Variants in MGAT4C observed in about 807,000 individuals in gnomAD.
MGAT4C encodes MGAT4 family member C, also known as alpha-1,3-mannosyl-glycoprotein 4-beta-N-acetylglucosaminyltransferase C.
Under a neutral mutation model 40.1 loss-of-function variants are expected in MGAT4C, and 19 were observed. That is an observed-to-expected ratio of 0.47 (90% CI 0.33 to 0.70). MGAT4C has a LOEUF of 0.70. MGAT4C is among the 30% of genes least tolerant of loss of function. MGAT4C has a pLI of 0.02. For missense variants in MGAT4C, 491 were observed against 563.2 expected, an observed-to-expected ratio of 0.87 and a Z score of 1.30; for synonymous variants, 181 against 187.1, an observed-to-expected ratio of 0.97 and a Z score of 0.27.
At chr12:86,690,694 C>T (rs542139392) in intron 2 of MGAT4C, among the ~76,000 whole-genome samples, 1 of 152,218 alleles carries the variant, frequency 6.6e-6, no homozygotes, top group South Asian at 2.1e-4. Context: ...AGAAATCACC[C>T]GCCTTCTGCT....
At chr12:86,547,384 T>A (rs185330508) in intron 2 of MGAT4C, among the ~76,000 whole-genome samples, 2 of 152,012 alleles carry the variant, frequency 1.3e-5, no homozygotes, top group African/African-American at 2.4e-5. Context: ...TTTATTCTTA[T>A]GAAGTCCAAT....
intron 1 of MGAT4C, among the ~76,000 whole-genome samples, chr12:86,149,934 C>T (rs559423974): frequency 6.6e-6 from 1 of 152,220 alleles, no homozygotes; most frequent in South Asian, 2.1e-4. Flanking sequence ...TCCTAGTTTA[C>T]TATTAGATAT....
intron 4 of MGAT4C, among the ~76,000 whole-genome samples, chr12:86,320,802 T>G (rs1954366299): frequency 6.6e-6 from 1 of 152,176 alleles, no homozygotes; most frequent in African/African-American, 2.4e-5. Flanking sequence ...ACTAATAGCC[T>G]TGAGTGGTGA....
At chr12:86,359,337 G>C (rs1955398823) in intron 3 of MGAT4C, among the ~76,000 whole-genome samples, 1 of 152,140 alleles carries the variant, frequency 6.6e-6, no homozygotes, top group Admixed American at 6.5e-5. Flanking sequence ...CGTGTGTAGA[G>C]GGAAATTTAT....
At chr12:86,420,507 G>A (rs1956799382) in intron 3 of MGAT4C, among the ~76,000 whole-genome samples, 1 of 151,940 alleles carries the variant, frequency 6.6e-6, no homozygotes, top group South Asian at 2.1e-4. Flanking sequence ...CATAAAATAG[G>A]CTGGGCCACC....
chr12:86,337,606 A>G (rs1246613098), intron 3 of MGAT4C, among the ~76,000 whole-genome samples: 1 of 151,096 alleles, frequency 6.6e-6, no homozygotes, highest in African/African-American at 2.4e-5. Context: ...AAAAAAAAAA[A>G]GTTGGGAAGT....
At chr12:86,759,266 G>A (rs1320857610) in intron 1 of MGAT4C, among the ~76,000 whole-genome samples, 1 of 151,912 alleles carries the variant, frequency 6.6e-6, no homozygotes. Flanking sequence ...ATATACCATG[G>A]TGTTTTTTAT....
chr12:86,116,452 CAT>C (rs1878437943), intron 1 of MGAT4C, among the ~76,000 whole-genome samples: 2 of 151,558 alleles, frequency 1.3e-5, no homozygotes, highest in Admixed American at 1.3e-4. Flanking sequence ...ACCAACAAGA[CAT>C]ATGTTAGATT....
intron 4 of MGAT4C, among the ~76,000 whole-genome samples, chr12:86,329,160 T>C (rs1475731568): frequency 5.3e-5 from 8 of 150,376 alleles, no homozygotes; most frequent in Non-Finnish European, 1.0e-4. Context: ...TAGAACAAGA[T>C]GTAGAATGGT....
At chr12:86,354,587 G>T (rs1324858424) in intron 3 of MGAT4C, among the ~76,000 whole-genome samples, 2 of 152,062 alleles carry the variant, frequency 1.3e-5, no homozygotes, top group African/African-American at 4.8e-5. Context: ...AAATTAAAAT[G>T]CTATAAATAA....
At position 85,964,844 on chromosome 12, in the gene MGAT4C, TATATGTCCC is replaced by T. The variant is rs1243671610; in HGVS notation, c.*14436_*14444del. 1 of 152,130 alleles carries T rather than the reference TATATGTCCC, an allele frequency of 6.6e-6. No individual in the cohort carries two copies. Among genetic ancestry groups the T allele is most frequent in the Non-Finnish European group, 1.5e-5 (1 of 68,022 alleles). The allele number at this position is 152,130 out of a possible 1,614,324, so 9.4% of individuals were successfully genotyped here. A position where few individuals can be genotyped will look rare whatever the true frequency, so the allele number is the denominator to read the frequency against. On this transcript the variant is annotated 3_prime_UTR_variant, in exon 5 of 5. Coordinates refer to ENST00000611864, the MANE Select transcript of MGAT4C (RefSeq NM_001351288.2). ...TTATTAAAAGTTCTCCATCCCAAAA[TATATGTCCC>T]ATCTGTGGGCTAATGTCTGAAAGTC...
chr12:86,623,645 C>T (rs970877802), intron 2 of MGAT4C, among the ~76,000 whole-genome samples: 1 of 151,926 alleles, frequency 6.6e-6, no homozygotes, highest in African/African-American at 2.4e-5. Context: ...TAAATGCTTC[C>T]ACAATGACAG....
chr12:86,830,375 G>A lies in MGAT4C; in HGVS notation c.-262+8291C>T, dbSNP rs150823112. Among the ~76,000 whole-genome samples, 1,227 of 151,480 alleles carry A rather than the reference G, an allele frequency of 8.1e-3. 11 individuals are homozygous for A. Among genetic ancestry groups the A allele is most frequent in the Non-Finnish European group, 0.014 (966 of 67,754 alleles). ...GTGTTTATCAGCCTGTCTCTGTTTC[G>A]GTACCTGTAAGGCTGTATGTATTGG... is the stretch of plus-strand genomic sequence containing the variant. On this transcript the variant is annotated intron_variant, in intron 1 of 7. Coordinates refer to the MGAT4C transcript ENST00000548651.
At chr12:86,807,828 C>T (rs905273468) in intron 1 of MGAT4C, among the ~76,000 whole-genome samples, 1 of 152,126 alleles carries the variant, frequency 6.6e-6, no homozygotes, top group African/African-American at 2.4e-5. Context: ...TTCTGACTGG[C>T]ATGATATGGT....
chr12:86,725,620 C>T (rs1007739668), intron 2 of MGAT4C, among the ~76,000 whole-genome samples: 5 of 152,022 alleles, frequency 3.3e-5, no homozygotes, highest in African/African-American at 1.2e-4. Context: ...GCTGCCTCGC[C>T]CGGCTAATTT....
At chr12:86,639,052 G>GA (rs1306090916) in intron 2 of MGAT4C, among the ~76,000 whole-genome samples, 16 of 151,746 alleles carry the variant, frequency 1.1e-4, no homozygotes, top group African/African-American at 3.9e-4. Flanking sequence ...ATAACAATTT[G>GA]AAAATCTCAA....
At chr12:86,440,067 T>G (rs1194536070) in intron 2 of MGAT4C, among the ~76,000 whole-genome samples, 1 of 152,118 alleles carries the variant, frequency 6.6e-6, no homozygotes, top group African/African-American at 2.4e-5. Context: ...TTGATGCCTA[T>G]CCTACAGAAA....
At chr12:86,082,679 A>G (rs1003587835) in intron 1 of MGAT4C, among the ~76,000 whole-genome samples, 1 of 152,254 alleles carries the variant, frequency 6.6e-6, no homozygotes, top group Admixed American at 6.5e-5. Flanking sequence ...ATGATATGAT[A>G]TCTATTTACA....
At chr12:86,275,503 G>C (rs1953054417) in intron 4 of MGAT4C, among the ~76,000 whole-genome samples, 1 of 152,140 alleles carries the variant, frequency 6.6e-6, no homozygotes, top group Admixed American at 6.5e-5. Flanking sequence ...CGGAACCTGG[G>C]AATATGTTAC....
Sources: gnomAD v4.1 joint callset for allele counts (sites outside exome capture counted in the v4.1 genomes callset) on GRCh38, gnomAD v4.1.1 for gene constraint, MANE v1.5 for transcripts, NCBI Gene and HGNC (gene_info 2026-07-23, HGNC 2026-07-21) for gene names.